ACOT1: variants seen among roughly 807,000 people sequenced by gnomAD.
ACOT1 encodes acyl-CoA thioesterase 1, also known as acyl-coenzyme A thioesterase 1.
In ACOT1, 8 loss-of-function variants were observed where a neutral mutation model predicts 15.7. That is an observed-to-expected ratio of 0.51 (90% CI 0.30 to 0.92). The LOEUF (loss-of-function observed/expected upper bound fraction) is 0.92, where lower values mean the gene tolerates loss of function less well. ACOT1 is among the 40% of genes least tolerant of loss of function. The pLI, the probability that ACOT1 is intolerant of heterozygous loss-of-function variation, is 0.06. For synonymous variants in ACOT1, 67 were observed against 241.2 expected, an observed-to-expected ratio of 0.28 and a Z score of 6.69; for missense variants, 151 against 539.4, an observed-to-expected ratio of 0.28 and a Z score of 7.13.
chr14:73,522,437 T>C, the ACOT1 span: 1 of 1,614,254 alleles, frequency 6.2e-7, no homozygotes, highest in South Asian at 1.1e-5. Context: ...GTCGTACTGC[T>C]GGCGCAGGAA....
At chr14:73,509,482 A>C in the ACOT1 span, 2 of 1,613,416 alleles carry the variant, frequency 1.2e-6, no homozygotes, top group South Asian at 1.1e-5. Flanking sequence ...GTCTGTGATC[A>C]AAAGAGCCAG....
chr14:73,524,310 A>AAAAAAAAAATATATATATATATAT, the ACOT1 span, among the ~76,000 whole-genome samples: 3 of 54,784 alleles, frequency 5.5e-5, no homozygotes, highest in African/African-American at 8.8e-5. Flanking sequence ...AAAAAAAAAA[A>AAAAAAAAAATATATATATATATAT]ATATATATAT....
the ACOT1 span, chr14:73,492,675 A>C: frequency 6.2e-7 from 1 of 1,613,984 alleles, no homozygotes; most frequent in South Asian, 1.1e-5. This position sits in a 1 kb window ranked among gnomAD's most constrained non-coding sequence, Gnocchi z 4.9. Context: ...ATGCTTCAGG[A>C]TGGGATAGCT....
chr14:73,518,984 G>A, the ACOT1 span: 38 of 1,580,184 alleles, frequency 2.4e-5, no homozygotes, highest in Admixed American at 1.2e-4. Context: ...CCACATTCCC[G>A]TTATTAACCC....
chr14:73,492,247 G>C, the ACOT1 span: 3 of 1,614,062 alleles, frequency 1.9e-6, no homozygotes, highest in Non-Finnish European at 2.5e-6. This position sits in a 1 kb window ranked among gnomAD's most constrained non-coding sequence, Gnocchi z 4.9. Flanking sequence ...CTGAATGCCA[G>C]GATGGAGTCC....
chr14:73,494,509 T>G, the ACOT1 span, among the ~76,000 whole-genome samples: 1,793 of 152,264 alleles, frequency 0.012, 34 homozygotes, highest in African/African-American at 0.041. Context: ...ATGATAGTTC[T>G]CCCTCCAACC....
chr14:73,521,092 C>A, the ACOT1 span: 6 of 1,486,482 alleles, frequency 4.0e-6, no homozygotes, highest in South Asian at 7.2e-5. Context: ...GAGGTGGATC[C>A]CCCTTTCCAT....
At chr14:73,509,371 T>C in the ACOT1 span, 2 of 1,614,086 alleles carry the variant, frequency 1.2e-6, no homozygotes, top group South Asian at 2.2e-5. Flanking sequence ...CTGTATGGCA[T>C]ATTGGCATAT....
upstream of ACOT1, among the ~76,000 whole-genome samples, chr14:73,536,940 A>T (rs1888878865): frequency 1.8e-5 from 2 of 112,564 alleles, 1 homozygote; most frequent in Non-Finnish European, 3.8e-5. Context: ...CCTCTTCGCC[A>T]TCAGGAGTTT....
the ACOT1 span, among the ~76,000 whole-genome samples, chr14:73,507,180 G>C: frequency 6.6e-6 from 1 of 152,136 alleles, no homozygotes; most frequent in Non-Finnish European, 1.5e-5. Context: ...TCTATTGAAA[G>C]TAACTAAACA....
rs1566850900 is a variant in ACOT1 at position 73,542,395 on chromosome 14, TTTTC to T, written c.661-647_661-644del. On this transcript the variant is annotated intron_variant, in intron 2 of 2. Coordinates refer to ENST00000311148, the MANE Select transcript of ACOT1 (RefSeq NM_001037161.2). ...ATGCAATTTTAAATTCCAGTATGTT[TTTTC>T]TTTCTTTTTTTTTTTTTTTTTTTAA... 1.9e-5 allele frequency among the ~76,000 whole-genome samples: 2 copies of T among 106,596 alleles called. 1 individual carries two copies. Among genetic ancestry groups the T allele is most frequent in the Non-Finnish European group, 3.9e-5 (2 of 51,664 alleles). The allele number at this position is 106,596 out of a possible 152,430, so 69.9% of individuals were successfully genotyped here.
the ACOT1 span, chr14:73,520,797 A>T: frequency 1.3e-6 from 2 of 1,505,044 alleles, no homozygotes; most frequent in Non-Finnish European, 1.8e-6. Flanking sequence ...GCAATCTTCC[A>T]CCTTCCTGGC....
chr14:73,505,585 A>G, the ACOT1 span, among the ~76,000 whole-genome samples: 92,767 of 151,770 alleles, frequency 0.61, 30,345 homozygotes, highest in African/African-American at 0.85. Context: ...TAGTACAGAT[A>G]GGATTTCACT....
At chr14:73,530,716 C>A in the ACOT1 span, 2 of 121,092 alleles carry the variant, frequency 1.7e-5, no homozygotes, top group African/African-American at 2.7e-5. Flanking sequence ...TGGCTCACTG[C>A]AGCCTTGACC....
At chr14:73,530,955 T>C in the ACOT1 span, 2 of 102,140 alleles carry the variant, frequency 2.0e-5, 1 homozygote, top group Non-Finnish European at 4.2e-5. Context: ...CCTGATTTTA[T>C]AAATCCCAAA....
chr14:73,518,468 G>A, the ACOT1 span, among the ~76,000 whole-genome samples: 6 of 152,192 alleles, frequency 3.9e-5, no homozygotes, highest in Admixed American at 3.3e-4. Context: ...ACACCACTGG[G>A]CCCATCTGAA....
the ACOT1 span, among the ~76,000 whole-genome samples, chr14:73,494,274 G>A: frequency 6.6e-6 from 1 of 152,180 alleles, no homozygotes; most frequent in Non-Finnish European, 1.5e-5. Flanking sequence ...GTGGTAGCTG[G>A]TAGGCAGCTG....
the ACOT1 span, chr14:73,491,433 C>T: frequency 7.4e-7 from 1 of 1,354,776 alleles, no homozygotes; most frequent in Non-Finnish European, 9.4e-7. Context: ...CCCGCCGCGC[C>T]GGTCCGGGTG....
Position 73,538,367 on chromosome 14 carries a change from A to T in ACOT1, c.457+489A>T, listed in dbSNP as rs1160226425. Among the ~76,000 whole-genome samples, 6 of 114,758 alleles carry T rather than the reference A, an allele frequency of 5.2e-5. 1 individual carries two copies. Among genetic ancestry groups the T allele is most frequent in the Non-Finnish European group, 1.1e-4 (6 of 52,790 alleles). The allele number at this position is 114,758 out of a possible 152,430, so 75.3% of individuals were successfully genotyped here. On this transcript the variant is annotated intron_variant, in intron 1 of 2. Transcript: ENST00000311148. ...GCTGGCTCACGCCTGTAATCCCAGC[A>T]CTTTGAGAAGCCGAGGCGGGCGGAT...
Sources: gnomAD v4.1 joint callset for allele counts (sites outside exome capture counted in the v4.1 genomes callset) on GRCh38, gnomAD v4.1.1 for gene constraint, Gnocchi (gnomAD v3.1) non-coding constraint, MANE v1.5 for transcripts, NCBI Gene and HGNC (gene_info 2026-07-23, HGNC 2026-07-21) for gene names.